The following C4orf51 variants were observed in gnomAD, a reference collection of about 807,000 sequenced individuals.
The protein encoded by C4orf51 is uncharacterized protein C4orf51.
Under a neutral mutation model 25.2 loss-of-function variants are expected in C4orf51, and 25 were observed. The observed-to-expected ratio is 0.99, with a 90% CI of 0.72 to 1.39. The LOEUF (loss-of-function observed/expected upper bound fraction) is 1.39. C4orf51 is among the 40% of genes most tolerant of loss of function. The pLI is 0.00. For missense variants in C4orf51, 252 were observed against 239.6 expected, an observed-to-expected ratio of 1.05 and a Z score of -0.34; for synonymous variants, 100 against 84.5, an observed-to-expected ratio of 1.18 and a Z score of -1.01.
chr4:145,692,994 G>C (rs1213654944), intron 1 of C4orf51, among the ~76,000 whole-genome samples: 1 of 120,016 alleles, frequency 8.3e-6, no homozygotes, highest in Non-Finnish European at 1.8e-5. Context: ...GTCCCATCAG[G>C]TGAAATGAAC....
At chr4:145,768,890 AATATATATAT>A (rs1553975846) in intron 1 of C4orf51, among the ~76,000 whole-genome samples, 3 of 7,724 alleles carry the variant, frequency 3.9e-4, no homozygotes, top group African/African-American at 1.0e-3. Flanking sequence ...AAAAAAAAAA[AATATATATAT>A]ATATATATAT....
At chr4:145,786,460 C>T in the C4orf51 span, among the ~76,000 whole-genome samples, 12 of 152,294 alleles carry the variant, frequency 7.9e-5, no homozygotes, top group Admixed American at 7.2e-4. Flanking sequence ...GCTCTGGGGC[C>T]GCTTGGGTTT....
the C4orf51 span, among the ~76,000 whole-genome samples, chr4:145,781,195 C>CAAAAAAAAAAAAAAAAAAAAAAAAAAAA: frequency 9.4e-4 from 53 of 56,542 alleles, no homozygotes; most frequent in Admixed American, 1.8e-3. Flanking sequence ...GACACCATCT[C>CAAAAAAAAAAAAAAAAAAAAAAAAAAAA]AAAAAAAAAA....
intron 1 of C4orf51, among the ~76,000 whole-genome samples, chr4:145,693,847 C>A (rs1451887927): frequency 3.1e-5 from 3 of 95,860 alleles, no homozygotes; most frequent in East Asian, 3.4e-4. Context: ...GGGGCTGACC[C>A]CCCCCACCTC....
At chr4:145,781,430 G>A in the C4orf51 span, among the ~76,000 whole-genome samples, 1 of 152,132 alleles carries the variant, frequency 6.6e-6, no homozygotes, top group South Asian at 2.1e-4. Context: ...TCTGGAAATG[G>A]GAGGAGGGGA....
the C4orf51 span, chr4:145,779,294 T>C: frequency 6.6e-7 from 1 of 1,524,634 alleles, no homozygotes; most frequent in Non-Finnish European, 8.8e-7. Context: ...ATGCCTCTCT[T>C]AGAGAAACTC....
intron 2 of C4orf51, among the ~76,000 whole-genome samples, chr4:145,718,619 T>G (rs1259077935): frequency 6.6e-6 from 1 of 152,252 alleles, no homozygotes. Context: ...GACATCTTAA[T>G]GCATAAACAG....
intron 1 of C4orf51, among the ~76,000 whole-genome samples, chr4:145,752,479 G>A (rs1328101057): frequency 8.5e-5 from 13 of 152,294 alleles, no homozygotes; most frequent in East Asian, 1.9e-4. Context: ...TTATGACTCT[G>A]CCCAGTGCCC....
chr4:145,688,200 TA>T (rs554716520), intron 1 of C4orf51, among the ~76,000 whole-genome samples: 297 of 98,812 alleles, frequency 3.0e-3, no homozygotes, highest in East Asian at 7.7e-3. Context: ...GATCCTACCT[TA>T]AAAAAAAAAA....
intron 3 of C4orf51, 84 bp from the exon 4 acceptor site, chr4:145,729,085 G>A: frequency 1.0e-6 from 1 of 969,696 alleles, no homozygotes; most frequent in Non-Finnish European, 1.6e-6. Context: ...GGGTGGGGAG[G>A]AACAATGTTG....
chr4:145,680,473 C>A, intron 1 of C4orf51, 37 bp downstream of exon 1: 1 of 1,463,146 alleles, frequency 6.8e-7, no homozygotes, highest in Non-Finnish European at 9.5e-7. Flanking sequence ...GGATATATCA[C>A]TATAAATAGA....
At chr4:145,727,029 G>C in intron 3 of C4orf51, 60 bp downstream of exon 3, 1 of 1,286,682 alleles carries the variant, frequency 7.8e-7, no homozygotes, top group Non-Finnish European at 1.1e-6. Flanking sequence ...ATTATACACT[G>C]CATATTATTC....
intron 1 of C4orf51, chr4:145,759,447 G>T (rs921882581): frequency 6.6e-6 from 1 of 152,158 alleles, no homozygotes; most frequent in African/African-American, 2.4e-5. Flanking sequence ...CTCCTAGCAG[G>T]TTACATCTAC....
chr4:145,789,394 T>C, the C4orf51 span, among the ~76,000 whole-genome samples: 1 of 152,222 alleles, frequency 6.6e-6, no homozygotes, highest in African/African-American at 2.4e-5. Context: ...TTGTTAAAAG[T>C]ATATTAAGGA....
At chr4:145,755,537 A>G (rs1733888008), downstream of C4orf51, among the ~76,000 whole-genome samples, 1 of 152,308 alleles carries the variant, frequency 6.6e-6, no homozygotes, top group Admixed American at 6.5e-5. Context: ...CAGGATCTGA[A>G]TTTTCCTGTT....
In C4orf51 at chr4:145,763,063, C is replaced by A; in HGVS notation, n.167-7925C>A. 1 of 1,534,670 alleles carries A rather than the reference C, an allele frequency of 6.5e-7. No homozygotes were observed. Among genetic ancestry groups the A allele is most frequent in the Non-Finnish European group, 8.7e-7 (1 of 1,145,948 alleles). On this transcript the variant is annotated intron_variant and non_coding_transcript_variant, in intron 1 of 1. Coordinates refer to the C4orf51 transcript ENST00000510096. This position sits in a 1 kb window ranked among gnomAD's most constrained non-coding sequence, Gnocchi z 4.6. ...CCCATTCCCAGGTCAGGTGCACACA[C>A]AACCCCTACGCCAAGCTGGGCCTTA... is the stretch of plus-strand genomic sequence containing the variant.
intron 1 of C4orf51, among the ~76,000 whole-genome samples, chr4:145,745,071 C>T (rs1469834072): frequency 6.6e-6 from 1 of 151,980 alleles, no homozygotes; most frequent in Non-Finnish European, 1.5e-5. Context: ...AAAATTTTGT[C>T]TTTAAACAAT....
At chr4:145,707,878 G>A (rs1730908477) in intron 2 of C4orf51, among the ~76,000 whole-genome samples, 1 of 152,232 alleles carries the variant, frequency 6.6e-6, no homozygotes, top group South Asian at 2.1e-4. Context: ...TCCTGTTGAT[G>A]ACAGTGTCTG....
intron 1 of C4orf51, among the ~76,000 whole-genome samples, chr4:145,687,492 G>C (rs1467275439): frequency 6.6e-6 from 1 of 152,036 alleles, no homozygotes; most frequent in Non-Finnish European, 1.5e-5. Flanking sequence ...AAATTTTCAG[G>C]GTTCACATCT....
Sources: allele counts gnomAD v4.1 joint callset (sites outside exome capture counted in the v4.1 genomes callset), GRCh38; gene constraint gnomAD v4.1.1; non-coding constraint Gnocchi (gnomAD v3.1); transcripts MANE v1.5; gene names NCBI Gene and HGNC (gene_info 2026-07-23, HGNC 2026-07-21).